HGSNAT: variants seen among roughly 807,000 people sequenced by gnomAD.
HGSNAT encodes transmembrane protein 76.
HGSNAT carries 59 observed loss-of-function variants against 85.2 expected under a neutral mutation model. The ratio of observed to expected loss-of-function variants is 0.69; its 90% CI spans 0.56 to 0.86. HGSNAT has a LOEUF of 0.86. HGSNAT is among the 40% of genes least tolerant of loss of function. The pLI is 0.00. For missense variants in HGSNAT, 756 were observed against 777.1 expected (o/e 0.97, Z 0.32); for synonymous variants, 321 against 304.5 (o/e 1.05, Z -0.56).
chr8:43,173,693 G>T lies in HGSNAT; in HGVS notation c.821-20G>T. 3 of 1,612,218 alleles carry T rather than the reference G, an allele frequency of 1.9e-6. No individual in the cohort carries two copies. Among genetic ancestry groups the T allele is most frequent in the Non-Finnish European group, 2.5e-6 (3 of 1,179,012 alleles). ...TGTATTCTAGAGTCCTTTTGCTTAT[G>T]CTTTGTACTTGTTCTGCAGGGCTGA... On this transcript the variant is annotated intron_variant, in intron 8 of 17. Transcript: ENST00000379644.
chr8:43,176,203 C>A (rs1230155452), intron 9 of HGSNAT, among the ~76,000 whole-genome samples: 1 of 152,038 alleles, frequency 6.6e-6, no homozygotes, highest in Non-Finnish European at 1.5e-5. Context: ...GTCTTTAATC[C>A]ATTTTGATTT....
chr8:43,153,644 G>A lies in HGSNAT; in HGVS notation c.235-4931G>A, dbSNP rs187401473. Among the ~76,000 whole-genome samples the A allele has an allele frequency of 2.3e-3, 345 of 152,208 alleles. 3 individuals carry two copies. The highest frequency in any genetic ancestry group is 8.3e-4 in the South Asian group (4 of 4,820). ...TATTGTTAACTATAGTCACCCTACTGTGCCATGTGTCACCAGAACTGATCC... is the reference window on the plus strand; with the variant it reads ...TATTGTTAACTATAGTCACCCTACTATGCCATGTGTCACCAGAACTGATCC... On this transcript the variant is annotated intron_variant, in intron 2 of 17. Transcript: ENST00000379644.
In HGSNAT at chr8:43,197,243, C is replaced by T. The variant is rs927841152; in HGVS notation, c.1542+218C>T. On this transcript the variant is annotated intron_variant, in intron 15 of 17. Transcript: ENST00000379644. ...TCTTTATCAATAAGGCAGTGTTTGC[C>T]ATCAGATAGCCAGGAATGCCTGAAG... The T allele has an allele frequency of 8.6e-6, 5 of 582,630 alleles. No individual in the cohort carries two copies. In the African/African-American group the frequency reaches 9.3e-5, roughly 11 times the overall value. 36.1% of individuals were successfully genotyped at this position (582,630 alleles called of 1,614,324 possible). A position where few individuals can be genotyped will look rare whatever the true frequency, so the allele number is the denominator to read the frequency against.
At chr8:43,162,858 C>T (rs1212786464) in intron 5 of HGSNAT, among the ~76,000 whole-genome samples, 1 of 151,996 alleles carries the variant, frequency 6.6e-6, no homozygotes, top group Admixed American at 6.6e-5. Flanking sequence ...GCATGAGTCA[C>T]CACACCTGGT....
intron 5 of HGSNAT, among the ~76,000 whole-genome samples, chr8:43,166,820 A>G (rs147143803): frequency 1.2e-3 from 188 of 152,358 alleles, no homozygotes; most frequent in African/African-American, 4.4e-3. Context: ...TCTCCAATGA[A>G]TCTGGGCAAA....
chr8:43,185,989 G>A (rs554801262), intron 11 of HGSNAT, among the ~76,000 whole-genome samples: 6 of 152,086 alleles, frequency 3.9e-5, no homozygotes, highest in Non-Finnish European at 5.9e-5. Context: ...GAATGAAGCC[G>A]ACTTGATCAT....
chr8:43,156,560 T>G (rs1394080557), intron 2 of HGSNAT, among the ~76,000 whole-genome samples: 3 of 152,226 alleles, frequency 2.0e-5, no homozygotes, highest in African/African-American at 7.2e-5. Context: ...AAGTTCCTCC[T>G]GTTACTGATT....
chr8:43,152,430 G>A (rs1010437201), intron 2 of HGSNAT, among the ~76,000 whole-genome samples: 16 of 152,076 alleles, frequency 1.1e-4, no homozygotes, highest in African/African-American at 3.6e-4. Flanking sequence ...TAGCAGAATC[G>A]AAGTAAGAAC....
intron 11 of HGSNAT, among the ~76,000 whole-genome samples, chr8:43,188,692 G>A (rs777910942): frequency 2.6e-5 from 4 of 152,162 alleles, no homozygotes; most frequent in South Asian, 2.1e-4. Context: ...CATTGCTGGC[G>A]AGGTGCTGCG....
chr8:43,198,488 A>C (rs373494649), intron 17 of HGSNAT, among the ~76,000 whole-genome samples: 9 of 151,896 alleles, frequency 5.9e-5, no homozygotes, highest in African/African-American at 2.2e-4. Context: ...GGGATTTCAC[A>C]GTGTTAGCTA....
In HGSNAT at chr8:43,159,008, C is replaced by A; in HGVS notation, c.457C>A (p.Leu153Met). 6.2e-7 allele frequency: 1 copy of A among 1,613,714 alleles called. No homozygotes were observed. The highest frequency in any genetic ancestry group is 8.5e-7 in the Non-Finnish European group (1 of 1,179,728). The change falls in exon 4 of 18, where the codon CTG becomes ATG. Residue 153 changes from leucine (L) to methionine (M), a missense_variant. By Grantham distance (15) the Leu-to-Met change is conservative. Transcript: ENST00000379644. ...TGGAGTTAGTGAAATTGCCTGTGAC[C>A]TGGCTGTGAACGAGGATCCAGTTGA... is the stretch of plus-strand genomic sequence containing the variant. ...HNGVSEIACD[L>M]AVNEDPVDSN...
chr8:43,169,783 T>C (rs559795053), intron 6 of HGSNAT, among the ~76,000 whole-genome samples: 3 of 152,336 alleles, frequency 2.0e-5, no homozygotes, highest in East Asian at 3.9e-4. Context: ...GACCTCTAGA[T>C]GGGATCTTTA....
At chr8:43,194,412 G>C (rs1804640715) in intron 14 of HGSNAT, 1 of 985,392 alleles carries the variant, frequency 1.0e-6, no homozygotes, top group Non-Finnish European at 1.2e-6. Context: ...AAGAAAAAAA[G>C]GTTTTCCTGA....
rs1804860502 is a variant in HGSNAT at position 43,199,802 on chromosome 8, C to T, written c.*233C>T. On this transcript the variant is annotated 3_prime_UTR_variant, in exon 18 of 18. Transcript: ENST00000379644. ...AATGTAATTGTCTTTTTTCCTCCATCTTCTGTGGAAATGGATGTCTTTGGA... is the reference window on the plus strand; with the variant it reads ...AATGTAATTGTCTTTTTTCCTCCATTTTCTGTGGAAATGGATGTCTTTGGA... 1 of 340,660 alleles carries T rather than the reference C, an allele frequency of 2.9e-6. No homozygotes were observed. 21.1% of individuals were successfully genotyped at this position (340,660 alleles called of 1,614,324 possible).
At position 43,191,573 on chromosome 8, in the gene HGSNAT, C is replaced by T. The variant is rs367831580; in HGVS notation, c.1228C>T (p.Leu410=). 1.4e-5 allele frequency: 22 copies of T among 1,613,996 alleles called. No homozygotes were observed. In the East Asian group the frequency reaches 4.9e-4, roughly 36 times the overall value. The change falls in exon 12 of 18, where the codon CTG becomes TTG. Residue 410 remains leucine (L), a synonymous_variant. Coordinates refer to ENST00000379644, the MANE Select transcript of HGSNAT (RefSeq NM_152419.3). ...EGLWLGLTFL[L]PVPGCPTGYL... ...CCTGTGGCTGGGCTTGACATTCCTC[C>T]TGCCAGTCCCTGGGTGCCCTACGTA...
rs1802477714 is a variant in HGSNAT, at chr8:43,140,510, G to T, written c.14G>T (p.Gly5Val). MSGA[G>V]RALAALLLAA... ...CGGGCGGCGGGCATGAGCGGGGCGG[G>T]CAGGGCGCTGGCCGCGCTGCTGCTG... is the stretch of plus-strand genomic sequence containing the variant. The change falls in exon 1 of 18, where the codon GGC (glycine) becomes GTC (valine). Residue 5 changes from glycine (G) to valine (V), a missense_variant. Physicochemically the swap from Gly to Val is moderately radical, Grantham distance 109. Coordinates refer to ENST00000379644, the MANE Select transcript of HGSNAT (RefSeq NM_152419.3). 6 of 1,062,996 alleles carry T rather than the reference G, an allele frequency of 5.6e-6. No individual in the cohort carries two copies. The Admixed American group carries it at 2.2e-4, about 39-fold the overall frequency. The allele number at this position is 1,062,996 out of a possible 1,614,324, so 65.8% of individuals were successfully genotyped here.
intron 2 of HGSNAT, among the ~76,000 whole-genome samples, chr8:43,149,060 G>T (rs1214669206): frequency 6.6e-6 from 1 of 151,902 alleles, no homozygotes; most frequent in Non-Finnish European, 1.5e-5. Flanking sequence ...AGGTGGCAGT[G>T]AGCTGAGATC....
intron 7 of HGSNAT, among the ~76,000 whole-genome samples, chr8:43,171,867 G>A (rs4559283): frequency 0.75 from 113,654 of 152,132 alleles, 44,985 homozygotes; most frequent in Non-Finnish European, 0.88. Context: ...TGAGTTTACT[G>A]ATGAGAACCT....
At chr8:43,192,728 G>T (rs1181634671) in intron 13 of HGSNAT, among the ~76,000 whole-genome samples, 1 of 151,278 alleles carries the variant, frequency 6.6e-6, no homozygotes, top group African/African-American at 2.4e-5. Flanking sequence ...TCTGAGACCA[G>T]CCTGTGCAAT....
Sources: allele counts gnomAD v4.1 joint callset (sites outside exome capture counted in the v4.1 genomes callset), GRCh38; gene constraint gnomAD v4.1.1; transcripts MANE v1.5; gene names NCBI Gene and HGNC (gene_info 2026-07-23, HGNC 2026-07-21).